The following MYO1E variants were observed in gnomAD, a reference collection of about 807,000 sequenced individuals.
The protein encoded by MYO1E is unconventional myosin-Ie.
Under a neutral mutation model 151.1 loss-of-function variants are expected in MYO1E, and 68 were observed. That is an observed-to-expected ratio of 0.45 (90% CI 0.37 to 0.55). MYO1E has a LOEUF of 0.55. MYO1E is among the 20% of genes least tolerant of loss of function. The probability of loss-of-function intolerance (pLI) is 0.00; values close to 1 mark genes in which losing one functional copy is unlikely to be tolerated. For synonymous variants in MYO1E, 601 were observed against 501.7 expected (o/e 1.20, Z -2.64); for missense variants, 1,363 against 1,389.3 (o/e 0.98, Z 0.30).
At chr15:59,143,473 C>T (rs1222098867) in intron 26 of MYO1E, among the ~76,000 whole-genome samples, 12 of 152,120 alleles carry the variant, frequency 7.9e-5, no homozygotes, top group Non-Finnish European at 1.8e-4. Flanking sequence ...TTTGCTGGGG[C>T]GGCATATTCC....
chr15:59,233,649 C>A (rs577116032), intron 5 of MYO1E, among the ~76,000 whole-genome samples: 2 of 121,376 alleles, frequency 1.6e-5, no homozygotes, highest in African/African-American at 6.1e-5. Context: ...GGCGACAGAG[C>A]GAGACTCCGT....
chr15:59,243,927 G>A (rs991544579), intron 4 of MYO1E, among the ~76,000 whole-genome samples: 5 of 151,848 alleles, frequency 3.3e-5, no homozygotes, highest in Non-Finnish European at 7.4e-5. Context: ...ATCTGGAACA[G>A]AAACAAGTCG....
intron 4 of MYO1E, among the ~76,000 whole-genome samples, chr15:59,242,451 C>A (rs985940213): frequency 6.6e-5 from 10 of 152,144 alleles, no homozygotes; most frequent in African/African-American, 2.2e-4. Flanking sequence ...GGATTACGAT[C>A]CTTTGAATAA....
chr15:59,183,475 C>T (rs1381000194), intron 18 of MYO1E, among the ~76,000 whole-genome samples: 2 of 152,050 alleles, frequency 1.3e-5, no homozygotes, highest in African/African-American at 4.8e-5. Context: ...TCTGGGATTA[C>T]AGGCATGAGC....
intron 21 of MYO1E, among the ~76,000 whole-genome samples, chr15:59,172,730 C>A (rs766176990): frequency 6.6e-5 from 10 of 152,152 alleles, no homozygotes; most frequent in Non-Finnish European, 1.5e-4. Context: ...CTTGGGAGTT[C>A]ATAAAATTTT....
chr15:59,265,665 T>C (rs919793542), intron 2 of MYO1E, among the ~76,000 whole-genome samples: 3 of 151,622 alleles, frequency 2.0e-5, no homozygotes, highest in Non-Finnish European at 4.4e-5. Flanking sequence ...AAAAATAAAG[T>C]TTGGTTTAAA....
chr15:59,293,309 T>C (rs1321801860), intron 1 of MYO1E, among the ~76,000 whole-genome samples: 1 of 152,090 alleles, frequency 6.6e-6, no homozygotes, highest in Non-Finnish European at 1.5e-5. Flanking sequence ...CAGTCCATAA[T>C]GCTGGCATGA....
chr15:59,271,863 T>A (rs1946112824), intron 2 of MYO1E, among the ~76,000 whole-genome samples: 1 of 152,238 alleles, frequency 6.6e-6, no homozygotes, highest in African/African-American at 2.4e-5. Context: ...AGGTTTCAGA[T>A]ACCACGTGCA....
intron 16 of MYO1E, among the ~76,000 whole-genome samples, chr15:59,196,852 T>C (rs1260246440): frequency 6.6e-6 from 1 of 152,174 alleles, no homozygotes; most frequent in African/African-American, 2.4e-5. Context: ...TTGATGATTT[T>C]TGCAACACAT....
chr15:59,195,707 C>A, intron 16 of MYO1E, 140 bp from the exon 17 acceptor site: 1 of 864,850 alleles, frequency 1.2e-6, no homozygotes, highest in Non-Finnish European at 1.9e-6. Context: ...AAGCATAACT[C>A]AGGTCTACTA....
intron 1 of MYO1E, among the ~76,000 whole-genome samples, chr15:59,314,384 A>G (rs1297142625): frequency 6.6e-6 from 1 of 152,188 alleles, no homozygotes; most frequent in Non-Finnish European, 1.5e-5. Flanking sequence ...GTTTTCACAC[A>G]GTGTCTTTTG....
At chr15:59,290,790 A>T (rs1322660829) in intron 1 of MYO1E, among the ~76,000 whole-genome samples, 5 of 152,242 alleles carry the variant, frequency 3.3e-5, no homozygotes, top group Non-Finnish European at 7.3e-5. Flanking sequence ...GTCAAACAGC[A>T]TGCCACTCTC....
At chr15:59,206,991 G>A (rs1469476177) in intron 14 of MYO1E, 1 of 1,614,030 alleles carries the variant, frequency 6.2e-7, no homozygotes, top group African/African-American at 1.3e-5. Context: ...TGAGCTCGGT[G>A]GGAGCGAATT....
intron 1 of MYO1E, among the ~76,000 whole-genome samples, chr15:59,370,640 G>T (rs2080939187): frequency 6.6e-6 from 1 of 152,202 alleles, no homozygotes; most frequent in Admixed American, 6.5e-5. Flanking sequence ...TTCTTCGCAT[G>T]CATTTGACCA....
intron 1 of MYO1E, among the ~76,000 whole-genome samples, chr15:59,326,744 A>G (rs143037445): frequency 9.9e-5 from 15 of 152,268 alleles, no homozygotes; most frequent in African/African-American, 3.6e-4. Context: ...CTACTTGCAT[A>G]ATTTATAGCT....
chr15:59,188,973 A>T (rs1485183353), intron 17 of MYO1E, among the ~76,000 whole-genome samples: 1 of 152,258 alleles, frequency 6.6e-6, no homozygotes, highest in Non-Finnish European at 1.5e-5. Context: ...AAGTTACAAA[A>T]GGGCATTTAA....
rs1420387062 is a variant in MYO1E at position 59,285,669 on chromosome 15, AT to A, written c.4-13221del. On this transcript the variant is annotated intron_variant, in intron 1 of 27. Coordinates refer to ENST00000288235, the MANE Select transcript of MYO1E (RefSeq NM_004998.4). ...CGACTAGACACTGTCTTTAAAAAAA[AT>A]AATAAAATCAATTAATTAATTAGCT... Among the ~76,000 whole-genome samples the A allele has an allele frequency of 2.6e-5, 4 of 152,352 alleles. No homozygotes were observed. The South Asian group carries it at 6.2e-4, about 24-fold the overall frequency.
chr15:59,284,520 G>C (rs1305579039), intron 1 of MYO1E, among the ~76,000 whole-genome samples: 1 of 151,644 alleles, frequency 6.6e-6, no homozygotes, highest in African/African-American at 2.4e-5. Context: ...CGCAAACATA[G>C]CTCACTGAGG....
intron 25 of MYO1E, among the ~76,000 whole-genome samples, chr15:59,155,665 T>C (rs2079505742): frequency 6.6e-6 from 1 of 152,178 alleles, no homozygotes; most frequent in African/African-American, 2.4e-5. Context: ...CGCAGTAATA[T>C]GATACTACAG....
Sources: gnomAD v4.1 joint callset for allele counts (sites outside exome capture counted in the v4.1 genomes callset) on GRCh38, gnomAD v4.1.1 for gene constraint, MANE v1.5 for transcripts, NCBI Gene and HGNC (gene_info 2026-07-23, HGNC 2026-07-21) for gene names.